Variants in RHBDD1 observed in about 807,000 individuals in gnomAD.
RHBDD1 encodes rhomboid-related protein 4.
Under a neutral mutation model 36.3 loss-of-function variants are expected in RHBDD1, and 38 were observed. The observed-to-expected ratio is 1.05, with a 90% CI of 0.81 to 1.37. The LOEUF is 1.37. RHBDD1 is among the 40% of genes most tolerant of loss of function. The pLI is 0.00. For missense variants in RHBDD1, 393 were observed against 377.6 expected (o/e 1.04, Z -0.34); for synonymous variants, 151 against 136.5 (o/e 1.11, Z -0.74).
At chr2:226,970,527 G>A (rs940005903) in intron 8 of RHBDD1, among the ~76,000 whole-genome samples, 6 of 152,130 alleles carry the variant, frequency 3.9e-5, no homozygotes, top group African/African-American at 7.2e-5. Context: ...CAGAGGGCAC[G>A]GAAGCAGCCT....
intron 3 of RHBDD1, among the ~76,000 whole-genome samples, chr2:226,843,606 C>G (rs1167990027): frequency 6.6e-6 from 1 of 152,096 alleles, no homozygotes; most frequent in Non-Finnish European, 1.5e-5. Flanking sequence ...AACCTGGCAC[C>G]CCGGGATGAA....
At chr2:226,905,911 G>T (rs904763934) in intron 5 of RHBDD1, among the ~76,000 whole-genome samples, 1 of 152,122 alleles carries the variant, frequency 6.6e-6, no homozygotes. Context: ...GGGGTGTCTA[G>T]AGGGTGGCGG....
At chr2:226,909,405 T>C (rs970553647) in intron 7 of RHBDD1, among the ~76,000 whole-genome samples, 10 of 152,196 alleles carry the variant, frequency 6.6e-5, no homozygotes, top group African/African-American at 1.9e-4. Flanking sequence ...TATTTTAGGC[T>C]AAAGCCTTTG....
intron 2 of RHBDD1, among the ~76,000 whole-genome samples, chr2:226,838,546 A>G (rs1007082909): frequency 1.3e-5 from 2 of 152,222 alleles, no homozygotes; most frequent in Non-Finnish European, 2.9e-5. Context: ...ATTGAATTAA[A>G]TGAAATAACG....
rs1574874291 is a variant in RHBDD1, at chr2:226,867,728, T to C, written c.566+410T>C. On this transcript the variant is annotated intron_variant, in intron 5 of 8. Transcript: ENST00000392062. ...TGCTTTTTATTATTATTATTATTCT[T>C]TTTTTTTTGAGATGGAGTCTCGCTC... 4.5e-6 allele frequency: 4 copies of C among 891,590 alleles called. No individual in the cohort carries two copies. The South Asian group carries it at 2.1e-4, about 46-fold the overall frequency. The allele number at this position is 891,590 out of a possible 1,614,324, so 55.2% of individuals were successfully genotyped here.
At chr2:226,995,131 T>C (rs527464451) in intron 8 of RHBDD1, among the ~76,000 whole-genome samples, 2 of 151,622 alleles carry the variant, frequency 1.3e-5, no homozygotes, top group South Asian at 2.1e-4. Context: ...CTTGAGATAC[T>C]GTGTAAGCCT....
intron 8 of RHBDD1, among the ~76,000 whole-genome samples, chr2:226,916,278 T>C (rs1015617672): frequency 3.3e-5 from 5 of 152,224 alleles, no homozygotes; most frequent in Non-Finnish European, 7.3e-5. Flanking sequence ...TGGAGAATTG[T>C]AGCCATTTTT....
chr2:226,844,529 A>G (rs1942014798), intron 3 of RHBDD1, among the ~76,000 whole-genome samples: 1 of 152,196 alleles, frequency 6.6e-6, no homozygotes, highest in Admixed American at 6.5e-5. Flanking sequence ...ATTCACAAAC[A>G]CTTCTTACAC....
At chr2:226,842,744 G>C (rs1199888394) in intron 3 of RHBDD1, among the ~76,000 whole-genome samples, 1 of 152,082 alleles carries the variant, frequency 6.6e-6, no homozygotes, top group East Asian at 1.9e-4. Context: ...TGTTCTTTTT[G>C]CTAAGAATTG....
At chr2:226,845,070 A>G (rs1376561084) in intron 3 of RHBDD1, among the ~76,000 whole-genome samples, 1 of 152,110 alleles carries the variant, frequency 6.6e-6, no homozygotes. Context: ...AAATCATCAG[A>G]TAATCTTGAC....
chr2:226,971,162 GC>G (rs1163407126), intron 8 of RHBDD1, among the ~76,000 whole-genome samples: 2 of 152,208 alleles, frequency 1.3e-5, no homozygotes, highest in African/African-American at 4.8e-5. Flanking sequence ...CTCCCTGAGT[GC>G]TGTCCCTACA....
chr2:226,953,548 ATCATTACACTCCCCAT>A (rs1951574404), intron 8 of RHBDD1, among the ~76,000 whole-genome samples: 1 of 152,148 alleles, frequency 6.6e-6, no homozygotes, highest in African/African-American at 2.4e-5. Flanking sequence ...TGGAATCTAT[ATCATTACACTCCCCAT>A]TCAAAGCTGT....
chr2:226,850,252 C>T (rs1942676496), intron 3 of RHBDD1, among the ~76,000 whole-genome samples: 2 of 152,138 alleles, frequency 1.3e-5, no homozygotes, highest in Non-Finnish European at 2.9e-5. Flanking sequence ...ATCTTAACCA[C>T]CTCTTGGCAC....
chr2:226,911,921 C>G (rs1948546150), intron 7 of RHBDD1, among the ~76,000 whole-genome samples: 1 of 152,096 alleles, frequency 6.6e-6, no homozygotes, highest in African/African-American at 2.4e-5. Context: ...CAAAGCTTTT[C>G]AGAATTAGTC....
chr2:226,932,602 G>C (rs1336630367), intron 8 of RHBDD1, among the ~76,000 whole-genome samples: 4 of 152,072 alleles, frequency 2.6e-5, no homozygotes, highest in East Asian at 1.9e-4. Context: ...GACTCGGATA[G>C]GTTCTCCTTC....
chr2:226,981,435 CAAA>C lies in RHBDD1; in HGVS notation c.857-13984_857-13982del, dbSNP rs201620422. On this transcript the variant is annotated intron_variant, in intron 8 of 8. Transcript: ENST00000392062. ...TTTAAAAAAGGAGCTCATTGAACTT[CAAA>C]AAAAAAAAAAAGATGTTAGTTTTCA... Among the ~76,000 whole-genome samples the C allele has an allele frequency of 1.5e-4, 20 of 137,104 alleles. No individual in the cohort carries two copies. In the East Asian group the frequency reaches 3.3e-3, roughly 23 times the overall value. 89.9% of individuals were successfully genotyped at this position (137,104 alleles called of 152,430 possible). A position where few individuals can be genotyped will look rare whatever the true frequency, so the allele number is the denominator to read the frequency against.
chr2:226,981,588 T>A (rs1000417070), intron 8 of RHBDD1, among the ~76,000 whole-genome samples: 1 of 131,748 alleles, frequency 7.6e-6, no homozygotes, highest in African/African-American at 3.4e-5. Context: ...ACACACACAC[T>A]TTCTCTAATG....
At chr2:226,947,394 T>A (rs1027082461) in intron 8 of RHBDD1, among the ~76,000 whole-genome samples, 6 of 151,992 alleles carry the variant, frequency 3.9e-5, no homozygotes, top group Admixed American at 3.9e-4. Flanking sequence ...CTCAGGTTTG[T>A]CAAAGATCAG....
At chr2:226,993,925 G>A (rs1365418677) in intron 8 of RHBDD1, among the ~76,000 whole-genome samples, 1 of 152,202 alleles carries the variant, frequency 6.6e-6, no homozygotes, top group Admixed American at 6.5e-5. Flanking sequence ...CCACTCTTGG[G>A]CAATGAGCAA....
Sources: gnomAD v4.1 joint callset for allele counts (sites outside exome capture counted in the v4.1 genomes callset) on GRCh38, gnomAD v4.1.1 for gene constraint, MANE v1.5 for transcripts, NCBI Gene and HGNC (gene_info 2026-07-23, HGNC 2026-07-21) for gene names.